THSD7A: variants seen among roughly 807,000 people sequenced by gnomAD.
THSD7A encodes thrombospondin type 1 domain containing 7A, also known as thrombospondin type-1 domain-containing protein 7A.
Under a neutral mutation model 231.3 loss-of-function variants are expected in THSD7A, and 96 were observed. The ratio of observed to expected loss-of-function variants is 0.41; its 90% CI spans 0.35 to 0.49. The LOEUF (loss-of-function observed/expected upper bound fraction) is 0.49, where lower values mean the gene tolerates loss of function less well. THSD7A is among the 20% of genes least tolerant of loss of function. The probability of loss-of-function intolerance (pLI) is 0.05; values close to 1 mark genes in which losing one functional copy is unlikely to be tolerated. For synonymous variants in THSD7A, 940 were observed against 743.3 expected (o/e 1.26, Z -4.30); for missense variants, 2,290 against 2,070.2 (o/e 1.11, Z -2.06).
chr7:11,492,777 T>TC (rs1465262920), intron 6 of THSD7A, among the ~76,000 whole-genome samples: 83 of 152,200 alleles, frequency 5.5e-4, no homozygotes, highest in African/African-American at 1.8e-3. Flanking sequence ...ATCATCACCA[T>TC]TAAACTTTTC....
intron 1 of THSD7A, among the ~76,000 whole-genome samples, chr7:11,733,816 T>G: frequency 6.6e-6 from 1 of 151,914 alleles, no homozygotes; most frequent in East Asian, 1.9e-4. Flanking sequence ...ATGATCTAGT[T>G]GATATACAAA....
In THSD7A at chr7:11,577,518, T is replaced by A. The variant is rs184510108; in HGVS notation, c.1453+12942A>T. On this transcript the variant is annotated intron_variant, in intron 4 of 27. Transcript: ENST00000423059. ...TTTTAGTAGAGATGGATTTTCGCCA[T>A]GTTGACCAGACTGATCTTGAACTCC... 2.6e-3 allele frequency among the ~76,000 whole-genome samples: 389 copies of A among 152,054 alleles called. 1 individual carries two copies. The highest frequency in any genetic ancestry group is 4.3e-3 in the Non-Finnish European group (294 of 67,982).
chr7:11,398,876 T>TA (rs1286870959), intron 23 of THSD7A, among the ~76,000 whole-genome samples: 1 of 152,178 alleles, frequency 6.6e-6, no homozygotes, highest in African/African-American at 2.4e-5. Flanking sequence ...ATTGTGGACT[T>TA]AAAGAGTAAA....
At chr7:11,648,735 C>G (rs573672272) in intron 1 of THSD7A, among the ~76,000 whole-genome samples, 1 of 151,326 alleles carries the variant, frequency 6.6e-6, no homozygotes, top group Admixed American at 6.6e-5. Context: ...GCCTTACTCC[C>G]AAATCCTAAG....
At chr7:11,665,129 GA>G (rs1475695442) in intron 1 of THSD7A, among the ~76,000 whole-genome samples, 1 of 151,898 alleles carries the variant, frequency 6.6e-6, no homozygotes, top group African/African-American at 2.4e-5. Context: ...AATAAAGAAA[GA>G]AAAAAATTAT....
chr7:11,813,044 A>G (rs930455822), intron 1 of THSD7A, among the ~76,000 whole-genome samples: 21 of 152,250 alleles, frequency 1.4e-4, no homozygotes, highest in African/African-American at 5.1e-4. Context: ...CTAAGCTGTG[A>G]AAACGATGTA....
At chr7:11,749,635 A>G (rs1394821143) in intron 1 of THSD7A, among the ~76,000 whole-genome samples, 2 of 151,984 alleles carry the variant, frequency 1.3e-5, no homozygotes, top group Admixed American at 6.6e-5. Context: ...CTTGCACTCA[A>G]GAGTGGAAAC....
At chr7:11,549,584 A>G (rs996615701) in intron 4 of THSD7A, among the ~76,000 whole-genome samples, 1 of 152,186 alleles carries the variant, frequency 6.6e-6, no homozygotes, top group Non-Finnish European at 1.5e-5. Context: ...TACATTATGG[A>G]ATACTATGTA....
At chr7:11,660,927 T>G (rs1782905971) in intron 1 of THSD7A, among the ~76,000 whole-genome samples, 1 of 151,446 alleles carries the variant, frequency 6.6e-6, no homozygotes, top group African/African-American at 2.4e-5. Flanking sequence ...CAGCAAGGAC[T>G]CGAAGAGCCA....
At chr7:11,717,451 C>T in intron 1 of THSD7A, among the ~76,000 whole-genome samples, 1 of 151,702 alleles carries the variant, frequency 6.6e-6, no homozygotes, top group East Asian at 2.0e-4. Context: ...CCTACCACCA[C>T]CTCACCCTCC....
At chr7:11,595,715 C>T (rs1034213431) in intron 2 of THSD7A, among the ~76,000 whole-genome samples, 4 of 152,154 alleles carry the variant, frequency 2.6e-5, no homozygotes, top group Non-Finnish European at 5.9e-5. Context: ...TTGAAAAGTC[C>T]AGTAATTGCT....
intron 1 of THSD7A, among the ~76,000 whole-genome samples, chr7:11,792,578 T>C (rs998488753): frequency 2.6e-5 from 4 of 151,958 alleles, no homozygotes; most frequent in Admixed American, 2.0e-4. Context: ...CTAGCTCTGA[T>C]CATTTGTTCA....
chr7:11,401,598 T>A lies in THSD7A; in HGVS notation c.4411+197A>T, dbSNP rs1783404908. Among the ~76,000 whole-genome samples, 4 of 151,622 alleles carry A rather than the reference T, an allele frequency of 2.6e-5. No individual in the cohort carries two copies. The South Asian group carries it at 8.3e-4, about 32-fold the overall frequency. On this transcript the variant is annotated intron_variant, in intron 23 of 27. Coordinates refer to ENST00000423059, the MANE Select transcript of THSD7A (RefSeq NM_015204.3). The stretch of plus-strand genomic sequence containing the variant: ...ATGCATAATTTTTTTTTTGGTAGAG[T>A]TTGGGTTTGGCCATGTTGGCCAGGC...
chr7:11,727,934 T>G lies in THSD7A; in HGVS notation c.191-90973A>C, dbSNP rs1293691353. Among the ~76,000 whole-genome samples the G allele has an allele frequency of 2.0e-5, 3 of 152,082 alleles. No homozygotes were observed. The East Asian group carries it at 5.9e-4, about 30-fold the overall frequency. ...TTTATTTTGTCTTTTAGAAAACTTT[T>G]AAATGACACTCCATGTCTACAGCTG... On this transcript the variant is annotated intron_variant, in intron 1 of 27. Coordinates refer to ENST00000423059, the MANE Select transcript of THSD7A (RefSeq NM_015204.3).
chr7:11,379,299 A>G lies in THSD7A; in HGVS notation c.4591-19T>C, dbSNP rs1455295170. The G allele has an allele frequency of 6.2e-7, 1 of 1,611,080 alleles. No individual in the cohort carries two copies. On this transcript the variant is annotated intron_variant, in intron 25 of 27. Coordinates refer to ENST00000423059, the MANE Select transcript of THSD7A (RefSeq NM_015204.3). ...TTTTTGTCTGCAGGAGAACAAGAAG[A>G]TTTATACTAGCCATGCAAGGAATCT...
At chr7:11,447,699 G>T (rs1785018160) in intron 11 of THSD7A, among the ~76,000 whole-genome samples, 2 of 152,036 alleles carry the variant, frequency 1.3e-5, no homozygotes, top group African/African-American at 4.8e-5. Flanking sequence ...TATGTATTCA[G>T]GGTTTCAATT....
At chr7:11,769,091 G>C (rs1335666591) in intron 1 of THSD7A, among the ~76,000 whole-genome samples, 2 of 129,718 alleles carry the variant, frequency 1.5e-5, no homozygotes, top group Non-Finnish European at 1.6e-5. Context: ...CTGAGTAGCT[G>C]CGATTACAGG....
chr7:11,743,671 T>C (rs984479883), intron 1 of THSD7A, among the ~76,000 whole-genome samples: 6 of 149,540 alleles, frequency 4.0e-5, no homozygotes, highest in African/African-American at 1.5e-4. Flanking sequence ...TGTGAACACA[T>C]ACTTATTAAC....
intron 13 of THSD7A, among the ~76,000 whole-genome samples, chr7:11,433,075 C>T (rs1487016676): frequency 6.6e-6 from 1 of 151,928 alleles, no homozygotes; most frequent in African/African-American, 2.4e-5. Flanking sequence ...TTCTAATGTA[C>T]TTCTCATATA....
Sources: allele counts gnomAD v4.1 joint callset (sites outside exome capture counted in the v4.1 genomes callset), GRCh38; gene constraint gnomAD v4.1.1; transcripts MANE v1.5; gene names NCBI Gene and HGNC (gene_info 2026-07-23, HGNC 2026-07-21).